The following SULF1 variants were observed in gnomAD, a reference collection of about 807,000 sequenced individuals.
SULF1 encodes sulfatase 1, also known as extracellular sulfatase Sulf-1.
A neutral mutation model predicts 110.5 loss-of-function variants in SULF1; 46 were observed. The observed-to-expected ratio is 0.42, with a 90% CI of 0.33 to 0.53. The LOEUF (loss-of-function observed/expected upper bound fraction) is 0.53, where lower values mean the gene tolerates loss of function less well. Ranked by LOEUF, SULF1 falls within the 20% of genes least tolerant of loss-of-function variation. The probability of loss-of-function intolerance (pLI) is 0.12; values close to 1 mark genes in which losing one functional copy is unlikely to be tolerated. For missense variants in SULF1, 941 were observed against 1,094.2 expected, an observed-to-expected ratio of 0.86 and a Z score of 1.98; for synonymous variants, 371 against 387.1, an observed-to-expected ratio of 0.96 and a Z score of 0.49.
chr8:69,649,209 G>T (rs542255195), intron 22 of SULF1, among the ~76,000 whole-genome samples: 10 of 152,156 alleles, frequency 6.6e-5, no homozygotes, highest in Admixed American at 1.3e-4. Flanking sequence ...CAGAAAGGTC[G>T]CAAGAATAAT....
Position 69,554,978 on chromosome 8 carries a change from C to CAAA in SULF1, c.-133-8543_-133-8541dup, listed in dbSNP as rs141225696. Among the ~76,000 whole-genome samples, 43 of 63,472 alleles carry CAAA rather than the reference C, an allele frequency of 6.8e-4. 7 individuals are homozygous for CAAA. Among genetic ancestry groups the CAAA allele is most frequent in the African/African-American group, 2.2e-3 (22 of 10,056 alleles). The allele number at this position is 63,472 out of a possible 152,430, so 41.6% of individuals were successfully genotyped here. ...TGGGCGACAGGGCGAGATTCCATCT[C>CAAA]AAAAAAAAAAAAAAAAAAAACAAAA... On this transcript the variant is annotated intron_variant, in intron 3 of 22. Transcript: ENST00000402687.
chr8:69,522,837 G>A lies in SULF1; in HGVS notation c.-134+20869G>A, dbSNP rs76416399. On this transcript the variant is annotated intron_variant, in intron 3 of 22. Transcript: ENST00000402687. ...TTGGATTTATCCATTGGAGGTCATC[G>A]GTGACATGTATAAAAGCAACAATGG... Among the ~76,000 whole-genome samples the A allele has an allele frequency of 3.8e-3, 581 of 152,146 alleles. 2 individuals carry two copies. Among genetic ancestry groups the A allele is most frequent in the African/African-American group, 0.013 (548 of 41,506 alleles).
At chr8:69,498,113 CCACACACACACACACACACA>C (rs71257190) in intron 2 of SULF1, among the ~76,000 whole-genome samples, 1 of 148,616 alleles carries the variant, frequency 6.7e-6, no homozygotes, top group Non-Finnish European at 1.5e-5. Context: ...CTCTCTCTCT[CCACACACACACACACACACA>C]CACACACACA....
At chr8:69,617,431 A>C (rs1809264684) in intron 13 of SULF1, among the ~76,000 whole-genome samples, 1 of 39,692 alleles carries the variant, frequency 2.5e-5, no homozygotes, top group African/African-American at 9.7e-5. Context: ...ATATATATAT[A>C]TATGTTTTTT....
chr8:69,567,544 A>G (rs1815980267), intron 5 of SULF1, among the ~76,000 whole-genome samples: 1 of 151,974 alleles, frequency 6.6e-6, no homozygotes, highest in Non-Finnish European at 1.5e-5. Flanking sequence ...GTCTCTGTGG[A>G]TTTGACTACT....
In SULF1 at chr8:69,601,767, A is replaced by C. The variant is rs781011371; in HGVS notation, c.999A>C (p.Pro333=). The stretch of plus-strand genomic sequence containing the variant: ...GACTGGTCAAGGGGAAATCCATGCC[A>C]TATGACTTTGATATTCGTGTGCCTT... ...QFGLVKGKSM[P]YDFDIRVPFF... Residue 333 remains proline, a synonymous_variant, in exon 10 of 23, where the codon CCA becomes CCC. Transcript: ENST00000402687. 6.2e-7 allele frequency: 1 copy of C among 1,612,930 alleles called. No homozygotes were observed. The highest frequency in any genetic ancestry group is 2.2e-5 in the East Asian group (1 of 44,820).
At chr8:69,587,872 T>G (rs1806585283) in intron 7 of SULF1, among the ~76,000 whole-genome samples, 1 of 152,212 alleles carries the variant, frequency 6.6e-6, no homozygotes, top group East Asian at 1.9e-4. Flanking sequence ...CAACTGTGTC[T>G]GAAAAGAATA....
intron 3 of SULF1, among the ~76,000 whole-genome samples, chr8:69,502,238 G>A (rs533550037): frequency 1.3e-5 from 2 of 152,254 alleles, no homozygotes; most frequent in South Asian, 4.2e-4. Flanking sequence ...ACAATCATAT[G>A]ACTATTGACA....
At chr8:69,554,955 G>A (rs1302580681) in intron 3 of SULF1, among the ~76,000 whole-genome samples, 1 of 133,812 alleles carries the variant, frequency 7.5e-6, no homozygotes, top group African/African-American at 3.2e-5. Flanking sequence ...CTCCAGCCTG[G>A]GCGACAGGGC....
At chr8:69,581,381 A>G (rs1000750912) in intron 6 of SULF1, among the ~76,000 whole-genome samples, 4 of 152,176 alleles carry the variant, frequency 2.6e-5, no homozygotes. Flanking sequence ...AGTTCCTGGA[A>G]ATTTTTCTAA....
At chr8:69,556,101 T>C (rs1468232137) in intron 3 of SULF1, among the ~76,000 whole-genome samples, 1 of 152,204 alleles carries the variant, frequency 6.6e-6, no homozygotes, top group Non-Finnish European at 1.5e-5. Context: ...TGTGGGTATA[T>C]ATATTTATAC....
chr8:69,533,284 C>T (rs749330852), intron 3 of SULF1, among the ~76,000 whole-genome samples: 48 of 152,252 alleles, frequency 3.2e-4, no homozygotes, highest in Non-Finnish European at 4.7e-4. Context: ...ATGTGCAGGA[C>T]GTGCAGGTTT....
intron 13 of SULF1, among the ~76,000 whole-genome samples, chr8:69,605,698 A>G (rs1042467155): frequency 3.9e-5 from 6 of 152,350 alleles, no homozygotes; most frequent in Admixed American, 2.0e-4. Context: ...GTGTCATGAC[A>G]AGAGGAACTG....
chr8:69,576,187 TAAC>T lies in SULF1; in HGVS notation c.395_397del (p.Asn132del). 1 of 1,614,176 alleles carries T rather than the reference TAAC, an allele frequency of 6.2e-7. No individual in the cohort carries two copies. Among genetic ancestry groups the T allele is most frequent in the Non-Finnish European group, 8.5e-7 (1 of 1,180,030 alleles). ...AGCCTCGGACTTTTGCTGTATATCT[TAAC>T]AACACTGGCTACAGAACAGGTAAGG... is the stretch of plus-strand genomic sequence containing the variant. On this transcript the variant is annotated inframe_deletion, in exon 6 of 23. Coordinates refer to ENST00000402687, the MANE Select transcript of SULF1 (RefSeq NM_001128205.2).
At chr8:69,539,439 G>A (rs1238775807) in intron 3 of SULF1, among the ~76,000 whole-genome samples, 1 of 152,164 alleles carries the variant, frequency 6.6e-6, no homozygotes, top group African/African-American at 2.4e-5. Flanking sequence ...AAAAGATCTT[G>A]CGCTTGGCAA....
At chr8:69,619,910 C>G (rs1428157939) in intron 13 of SULF1, among the ~76,000 whole-genome samples, 2 of 152,202 alleles carry the variant, frequency 1.3e-5, no homozygotes, top group Non-Finnish European at 1.5e-5. Context: ...CGTCTGCAGA[C>G]AGCTTGTTAA....
In SULF1 at chr8:69,629,556, C is replaced by T. The variant is rs377353091; in HGVS notation, c.2161C>T (p.Arg721Cys). The change falls in exon 19 of 23, where the codon CGT (arginine) becomes TGT (cysteine). Residue 721 changes from arginine (R) to cysteine (C), a missense_variant. By Grantham distance (180) the Arg-to-Cys change is radical. Around this residue, in one of 3 missense-constraint regions of SULF1, gnomAD observed 822 missense variants for 934.3 expected, o/e 0.88. Coordinates refer to ENST00000402687, the MANE Select transcript of SULF1 (RefSeq NM_001128205.2). The stretch of plus-strand genomic sequence containing the variant: ...ACTGCAACTTTTCAAGGAGAACAAC[C>T]GTAGGAGGAAGAAGGAGAGGAAGGA... ...SKLQLFKENN[R>C]RRKKERKEKR... The T allele has an allele frequency of 8.7e-6, 14 of 1,613,694 alleles. No homozygotes were observed. Among genetic ancestry groups the T allele is most frequent in the African/African-American group, 2.7e-5 (2 of 74,866 alleles).
intron 3 of SULF1, chr8:69,563,127 C>G (rs1815624034): frequency 6.6e-6 from 1 of 152,440 alleles, no homozygotes; most frequent in Non-Finnish European, 1.5e-5. Context: ...TTGCTAGGTA[C>G]TCAGTATCAC....
chr8:69,628,280 T>C lies in SULF1; in HGVS notation c.2108+44T>C, dbSNP rs774289809. ...TCCACATTTGCTGGGAGTCAATGAC[T>C]GTCCACCTGGCCCTTCGAAGAGGCT... On this transcript the variant is annotated intron_variant, in intron 18 of 22. Coordinates refer to ENST00000402687, the MANE Select transcript of SULF1 (RefSeq NM_001128205.2). The C allele has an allele frequency of 4.5e-6, 7 of 1,541,736 alleles. No individual in the cohort carries two copies. The African/African-American group carries it at 5.5e-5, about 12-fold the overall frequency.
Sources: allele counts gnomAD v4.1 joint callset (sites outside exome capture counted in the v4.1 genomes callset), GRCh38; gene constraint gnomAD v4.1.1; regional missense constraint gnomAD v4.1.1; transcripts MANE v1.5; gene names NCBI Gene and HGNC (gene_info 2026-07-23, HGNC 2026-07-21).